CDC42BPB: variants seen among roughly 807,000 people sequenced by gnomAD.
CDC42BPB encodes serine/threonine-protein kinase MRCK beta.
Under a neutral mutation model 214.9 loss-of-function variants are expected in CDC42BPB, and 37 were observed. That is an observed-to-expected ratio of 0.17 (90% confidence interval 0.13 to 0.23). The LOEUF (loss-of-function observed/expected upper bound fraction) is 0.23, where lower values mean the gene tolerates loss of function less well. CDC42BPB is among the 10% of genes least tolerant of loss of function. The pLI is 1.00. For missense variants in CDC42BPB, 1,694 were observed against 2,227.0 expected (o/e 0.76, Z 4.82); for synonymous variants, 931 against 884.0 (o/e 1.05, Z -0.94).
intron 5 of CDC42BPB, among the ~76,000 whole-genome samples, chr14:102,996,245 C>T (rs1393164464): frequency 2.6e-5 from 4 of 152,054 alleles, no homozygotes; most frequent in Non-Finnish European, 5.9e-5. Context: ...GAGGCTGAGG[C>T]AGGAGAATGG....
chr14:102,971,962 G>T lies in CDC42BPB; in HGVS notation c.1841C>A (p.Ala614Asp), dbSNP rs1893491970. ...EMEVATQKVDAMRQEMRRAEK... is the reference protein window; with the variant it reads ...EMEVATQKVDDMRQEMRRAEK... ...AGCTCTCCGCATTTCCTGCCGCATGGCGTCCACCTTCTGCGTGGCCACCTC... is the reference window on the plus strand; with the variant it reads ...AGCTCTCCGCATTTCCTGCCGCATGTCGTCCACCTTCTGCGTGGCCACCTC... The change falls in exon 13 of 37, where the codon GCC becomes GAC. Residue 614 changes from alanine (A) to aspartate (D), a missense_variant. Physicochemically the swap from Ala to Asp is moderately radical, Grantham distance 126. Coordinates refer to ENST00000361246, the MANE Select transcript of CDC42BPB (RefSeq NM_006035.4). 1 of 1,614,080 alleles carries T rather than the reference G, an allele frequency of 6.2e-7. No individual in the cohort carries two copies. Among genetic ancestry groups the T allele is most frequent in the Non-Finnish European group, 8.5e-7 (1 of 1,180,052 alleles).
intron 1 of CDC42BPB, among the ~76,000 whole-genome samples, chr14:103,021,799 C>T (rs538169685): frequency 5.9e-5 from 9 of 152,004 alleles, no homozygotes; most frequent in Middle Eastern, 6.8e-3. Flanking sequence ...GTGGTACAGG[C>T]GGGGATCATG....
intron 21 of CDC42BPB, among the ~76,000 whole-genome samples, chr14:102,956,649 G>C (rs1160699989): frequency 6.6e-6 from 1 of 152,052 alleles, no homozygotes; most frequent in East Asian, 1.9e-4. Context: ...GGGCAATATA[G>C]CAAGAATCCA....
rs1289474769 is a variant in CDC42BPB, at chr14:102,943,314, G to A, written c.4408+577C>T. Among the ~76,000 whole-genome samples the A allele has an allele frequency of 2.0e-5, 3 of 152,210 alleles. No homozygotes were observed. Among genetic ancestry groups the A allele is most frequent in the South Asian group, 2.1e-4 (1 of 4,828 alleles). The stretch of plus-strand genomic sequence containing the variant: ...AAAGCAATCGGACAGCGGGCCAGTC[G>A]GGAAGTGTCCACTGGTCCTACCTGT... On this transcript the variant is annotated intron_variant, in intron 30 of 36. Transcript: ENST00000361246. The surrounding 1 kb of genome is among the most constrained non-coding windows in gnomAD (Gnocchi z 4.6).
chr14:102,968,192 A>AT, intron 16 of CDC42BPB, 61 bp downstream of exon 16: 5 of 1,231,392 alleles, frequency 4.1e-6, no homozygotes, highest in Admixed American at 3.6e-5. Flanking sequence ...ATTAAAAATA[A>AT]TTTTTTTTTA....
intron 22 of CDC42BPB, 47 bp downstream of exon 22, chr14:102,954,555 G>T: frequency 6.5e-7 from 1 of 1,541,600 alleles, no homozygotes. Flanking sequence ...ACCTGGACAC[G>T]AGGGCAGACC....
rs765636135 is a variant in CDC42BPB at position 102,971,906 on chromosome 14, T to A, written c.1884+13A>T. The stretch of plus-strand genomic sequence containing the variant: ...TCCAGTCGATACCATCCCTGAACCA[T>A]CTCCACAGCTACCTCTTTCCTGAGC... On this transcript the variant is annotated intron_variant, in intron 13 of 36. Coordinates refer to ENST00000361246, the MANE Select transcript of CDC42BPB (RefSeq NM_006035.4). 1.2e-6 allele frequency: 2 copies of A among 1,613,270 alleles called. No homozygotes were observed. Among genetic ancestry groups the A allele is most frequent in the Non-Finnish European group, 1.7e-6 (2 of 1,179,400 alleles).
intron 5 of CDC42BPB, among the ~76,000 whole-genome samples, chr14:102,989,715 T>C (rs952318947): frequency 1.3e-5 from 2 of 151,804 alleles, no homozygotes; most frequent in African/African-American, 4.8e-5. Flanking sequence ...TTATTAAAAA[T>C]ACAAAATTAG....
rs1301081728 is a variant in CDC42BPB at position 102,971,933 on chromosome 14, TCTC to T, written c.1867_1869del (p.Glu623del). 1 of 1,614,076 alleles carries T rather than the reference TCTC, an allele frequency of 6.2e-7. No individual in the cohort carries two copies. Among genetic ancestry groups the T allele is most frequent in the Non-Finnish European group, 8.5e-7 (1 of 1,180,042 alleles). ...TCCACAGCTACCTCTTTCCTGAGCT[TCTC>T]AGCTCTCCGCATTTCCTGCCGCATG... On this transcript the variant is annotated inframe_deletion, in exon 13 of 37. Coordinates refer to ENST00000361246, the MANE Select transcript of CDC42BPB (RefSeq NM_006035.4).
intron 1 of CDC42BPB, among the ~76,000 whole-genome samples, chr14:103,033,349 G>A (rs1216417595): frequency 6.6e-6 from 1 of 152,116 alleles, no homozygotes; most frequent in Non-Finnish European, 1.5e-5. Flanking sequence ...AGCCTCCCAA[G>A]TAGCTGGGAC....
In CDC42BPB at chr14:102,943,932, C is replaced by T. The variant is rs1458414574; in HGVS notation, c.4367G>A (p.Arg1456His). The change falls in exon 30 of 37, where the codon CGC becomes CAC. Residue 1456 changes from arginine (R) to histidine (H), a missense_variant. This residue lies in a region of CDC42BPB where 567 missense variants were observed against 790.3 expected (regional missense o/e 0.72). Coordinates refer to ENST00000361246, the MANE Select transcript of CDC42BPB (RefSeq NM_006035.4). This position sits in a 1 kb window ranked among gnomAD's most constrained non-coding sequence, Gnocchi z 4.6. ...LYVDPQGRRA[R>H]AQELMWPAAP... Reference sequence around the variant, plus strand: ...CGCAGGCCACATGAGCTCCTGCGCGCGTGCCCTCCGGCCTTGCGGGTCCAC... The same window carrying T: ...CGCAGGCCACATGAGCTCCTGCGCGTGTGCCCTCCGGCCTTGCGGGTCCAC... The T allele has an allele frequency of 6.2e-7, 1 of 1,612,472 alleles. No individual in the cohort carries two copies. The highest frequency in any genetic ancestry group is 1.1e-5 in the South Asian group (1 of 91,064).
chr14:102,997,461 G>A (rs1047055128), intron 5 of CDC42BPB, among the ~76,000 whole-genome samples: 5 of 152,134 alleles, frequency 3.3e-5, no homozygotes, highest in African/African-American at 1.2e-4. Flanking sequence ...GGAAAAGCTG[G>A]GAGCCAGTCC....
At chr14:102,949,378 C>A (rs1423409735) in intron 26 of CDC42BPB, among the ~76,000 whole-genome samples, 1 of 152,072 alleles carries the variant, frequency 6.6e-6, no homozygotes, top group Admixed American at 6.5e-5. Flanking sequence ...CTTCCACACA[C>A]CAGCACCTGC....
Position 102,959,694 on chromosome 14 carries a change from A to G in CDC42BPB, c.2838T>C (p.Asp946=). 3 of 1,612,774 alleles carry G rather than the reference A, an allele frequency of 1.9e-6. No homozygotes were observed. Among genetic ancestry groups the G allele is most frequent in the Non-Finnish European group, 2.5e-6 (3 of 1,179,580 alleles). ...FRADTGLKLP[D]FQDSIFEYFN... The stretch of plus-strand genomic sequence containing the variant: ...AATACTCAAAAATGGAATCCTGAAA[A>G]TCTGGAAGTTTGAGCCCTGCAAAAA... The change falls in exon 21 of 37, where the codon GAT becomes GAC. Residue 946 remains aspartate, a synonymous_variant. Coordinates refer to ENST00000361246, the MANE Select transcript of CDC42BPB (RefSeq NM_006035.4).
intron 21 of CDC42BPB, chr14:102,956,356 T>A: frequency 3.2e-6 from 2 of 625,946 alleles, no homozygotes; most frequent in African/African-American, 4.0e-5. Context: ...CATGAAGATA[T>A]ATTGACTTAA....
At position 102,968,427 on chromosome 14, in the gene CDC42BPB, G is replaced by T. The variant is rs34232888; in HGVS notation, c.2240+45C>A. On this transcript the variant is annotated intron_variant, in intron 15 of 36. Transcript: ENST00000361246. ...ACTGATATTCGTATCTATGGCGTGG[G>T]TATCAGCTTGCATCTTCTGAACTGA... is the stretch of plus-strand genomic sequence containing the variant. The T allele has an allele frequency of 3.7e-6, 6 of 1,613,178 alleles. No homozygotes were observed. The Admixed American group carries it at 1.0e-4, about 27-fold the overall frequency.
At chr14:103,019,426 T>A (rs1886646738) in intron 1 of CDC42BPB, among the ~76,000 whole-genome samples, 1 of 152,160 alleles carries the variant, frequency 6.6e-6, no homozygotes, top group South Asian at 2.1e-4. Flanking sequence ...AGACTTCTCC[T>A]GAAGAGCCCG....
rs1198632782 is a variant in CDC42BPB, at chr14:102,940,107, G to A, written c.4530C>T (p.Gly1510=). 1 of 1,613,874 alleles carries A rather than the reference G, an allele frequency of 6.2e-7. No homozygotes were observed. Among genetic ancestry groups the A allele is most frequent in the Non-Finnish European group, 8.5e-7 (1 of 1,180,052 alleles). Residue 1510 remains glycine, a synonymous_variant, in exon 32 of 37, where the codon GGC becomes GGT. Coordinates refer to ENST00000361246, the MANE Select transcript of CDC42BPB (RefSeq NM_006035.4). ...GCTCGCAGTTGAGGAGGTTGAGGGT[G>A]CCTTCAGAGTTCAGGGGCCTTATCT... ...LRRIRPLNSE[G]TLNLLNCEPP...
chr14:102,941,330 C>T, intron 30 of CDC42BPB: 1 of 985,470 alleles, frequency 1.0e-6, no homozygotes, highest in Non-Finnish European at 1.2e-6. Context: ...TCTGAAGATG[C>T]ATTTTAAAAG....
Sources: allele counts gnomAD v4.1 joint callset (sites outside exome capture counted in the v4.1 genomes callset), GRCh38; gene constraint gnomAD v4.1.1; regional missense constraint gnomAD v4.1.1; non-coding constraint Gnocchi (gnomAD v3.1); transcripts MANE v1.5; gene names NCBI Gene and HGNC (gene_info 2026-07-23, HGNC 2026-07-21).